STXBP4: variants seen among roughly 807,000 people sequenced by gnomAD.
STXBP4 encodes syntaxin binding protein 4.
In STXBP4, 55 loss-of-function variants were observed where a neutral mutation model predicts 76.1. The observed-to-expected ratio is 0.72, with a 90% CI of 0.58 to 0.91. The LOEUF is 0.91. Ranked by LOEUF, STXBP4 falls within the 40% of genes least tolerant of loss-of-function variation. The pLI is 0.00. For synonymous variants in STXBP4, 201 were observed against 220.2 expected, an observed-to-expected ratio of 0.91 and a Z score of 0.77; for missense variants, 618 against 636.9, an observed-to-expected ratio of 0.97 and a Z score of 0.32.
At chr17:55,088,759 T>C (rs1184328839) in intron 16 of STXBP4, among the ~76,000 whole-genome samples, 1 of 152,200 alleles carries the variant, frequency 6.6e-6, no homozygotes, top group African/African-American at 2.4e-5. Context: ...GAAAATCTTC[T>C]TCCCAGAAAT....
chr17:55,174,940 C>T (rs1326673756), downstream of STXBP4, among the ~76,000 whole-genome samples: 1 of 151,986 alleles, frequency 6.6e-6, no homozygotes, highest in Non-Finnish European at 1.5e-5. Context: ...AGGAGAACGG[C>T]GTGAACCTGG....
chr17:55,145,601 G>A (rs2080143517), intron 17 of STXBP4, among the ~76,000 whole-genome samples: 1 of 152,122 alleles, frequency 6.6e-6, no homozygotes, highest in Admixed American at 6.5e-5. Context: ...TTAATACTTT[G>A]TCATCTACTT....
At chr17:55,183,258 A>C in the STXBP4 span, among the ~76,000 whole-genome samples, 4 of 152,146 alleles carry the variant, frequency 2.6e-5, no homozygotes, top group Admixed American at 6.5e-5. Flanking sequence ...TAAAGTTAGT[A>C]AAAGTAAAAA....
chr17:55,107,774 C>G (rs943533084), intron 16 of STXBP4, among the ~76,000 whole-genome samples: 1 of 152,220 alleles, frequency 6.6e-6, no homozygotes, highest in African/African-American at 2.4e-5. Flanking sequence ...AGATTGCTGC[C>G]TGTTCCTTCC....
the STXBP4 span, among the ~76,000 whole-genome samples, chr17:55,207,360 C>T: frequency 6.6e-6 from 1 of 152,108 alleles, no homozygotes; most frequent in Non-Finnish European, 1.5e-5. Flanking sequence ...CAGTCTCAGT[C>T]CACCTCAGTG....
At chr17:55,088,611 G>A (rs998949555) in intron 16 of STXBP4, among the ~76,000 whole-genome samples, 1 of 152,084 alleles carries the variant, frequency 6.6e-6, no homozygotes, top group Non-Finnish European at 1.5e-5. Flanking sequence ...TGGTCAGGCT[G>A]GTCTCAAACT....
intron 7 of STXBP4, 100 bp from the exon 8 acceptor site, chr17:55,007,406 G>C: frequency 1.2e-6 from 1 of 824,832 alleles, no homozygotes; most frequent in South Asian, 1.5e-5. Context: ...TGATTAGCTA[G>C]AATTATTTTT....
chr17:55,167,580 C>T lies in STXBP4; in HGVS notation c.*7669C>T, dbSNP rs971436160. The T allele has an allele frequency of 2.0e-5, 3 of 152,122 alleles. No homozygotes were observed. The highest frequency in any genetic ancestry group is 4.4e-5 in the Non-Finnish European group (3 of 68,022). The allele number at this position is 152,122 out of a possible 1,614,324, so 9.4% of individuals were successfully genotyped here. ...CATACTCACACATTGTTGATTTGCC[C>T]AAGGTTCTGAAGAAATACCACAGAA... On this transcript the variant is annotated 3_prime_UTR_variant, in exon 18 of 18. Transcript: ENST00000376352.
rs144666585 is a variant in STXBP4, at chr17:55,116,787, A to T, written c.1490-24523A>T. Among the ~76,000 whole-genome samples, 546 of 151,976 alleles carry T rather than the reference A, an allele frequency of 3.6e-3. 3 individuals carry two copies. Among genetic ancestry groups the T allele is most frequent in the African/African-American group, 0.013 (529 of 41,538 alleles). On this transcript the variant is annotated intron_variant, in intron 16 of 17. Transcript: ENST00000376352. ...CTTTGGGCCTTTGTGCTCTCCTGTT[A>T]TAGCAGGGCTCTGTTATGTGACCTA...
chr17:55,123,848 C>T (rs2079874578), intron 16 of STXBP4, among the ~76,000 whole-genome samples: 1 of 151,348 alleles, frequency 6.6e-6, no homozygotes, highest in South Asian at 2.1e-4. Context: ...TGCAGTGAGC[C>T]GAGATTGCAC....
At chr17:55,023,124 A>C (rs964537629) in intron 8 of STXBP4, among the ~76,000 whole-genome samples, 1 of 152,240 alleles carries the variant, frequency 6.6e-6, no homozygotes, top group Non-Finnish European at 1.5e-5. Flanking sequence ...TAAAATTTGC[A>C]TACATGGCTA....
chr17:55,035,551 T>C (rs2078586007), intron 10 of STXBP4, among the ~76,000 whole-genome samples: 1 of 151,942 alleles, frequency 6.6e-6, no homozygotes, highest in Non-Finnish European at 1.5e-5. Context: ...TGAATTAAAA[T>C]GATTTGTTTT....
At chr17:55,157,885 G>A (rs1028651743) in intron 17 of STXBP4, among the ~76,000 whole-genome samples, 3 of 152,124 alleles carry the variant, frequency 2.0e-5, no homozygotes, top group African/African-American at 7.2e-5. Context: ...GTGTTCTATG[G>A]AACACTGGCC....
chr17:55,211,799 G>GTTTTTTTTTTTTTTTTTTTTT, the STXBP4 span, among the ~76,000 whole-genome samples: 5 of 49,004 alleles, frequency 1.0e-4, no homozygotes, highest in African/African-American at 1.8e-4. Context: ...GTTTTTTGTT[G>GTTTTTTTTTTTTTTTTTTTTT]TTTTTTTTTT....
At chr17:54,978,096 G>A (rs1016467559) in intron 1 of STXBP4, among the ~76,000 whole-genome samples, 5 of 152,090 alleles carry the variant, frequency 3.3e-5, no homozygotes, top group African/African-American at 4.8e-5. Flanking sequence ...AGAGGTGGAC[G>A]TATATTTTAA....
At position 55,171,198 on chromosome 17, in the gene STXBP4, G is replaced by C. The variant is rs1567791243; in HGVS notation, c.*11287G>C. On this transcript the variant is annotated 3_prime_UTR_variant, in exon 18 of 18. Transcript: ENST00000376352. ...AAAGTGTCCTTCTTTTGGATATAGT[G>C]CCTGGTGCAGAACTCTACCACAAAA... The C allele has an allele frequency of 6.6e-6, 1 of 152,182 alleles. No individual in the cohort carries two copies. Among genetic ancestry groups the C allele is most frequent in the Non-Finnish European group, 1.5e-5 (1 of 68,048 alleles). 9.4% of individuals were successfully genotyped at this position (152,182 alleles called of 1,614,324 possible). A position where few individuals can be genotyped will look rare whatever the true frequency, so the allele number is the denominator to read the frequency against.
intron 16 of STXBP4, among the ~76,000 whole-genome samples, chr17:55,109,981 T>C (rs2079693201): frequency 6.6e-6 from 1 of 152,208 alleles, no homozygotes; most frequent in Admixed American, 6.5e-5. Context: ...CTTATAGTTC[T>C]AGAAGTCAGA....
intron 8 of STXBP4, among the ~76,000 whole-genome samples, chr17:55,010,321 A>G (rs887483682): frequency 5.9e-5 from 9 of 151,996 alleles, no homozygotes; most frequent in Non-Finnish European, 1.3e-4. Context: ...TGGCATTGTC[A>G]TGAATTCTTT....
At chr17:55,063,166 A>G (rs1378113901) in intron 12 of STXBP4, among the ~76,000 whole-genome samples, 3 of 152,200 alleles carry the variant, frequency 2.0e-5, no homozygotes, top group Admixed American at 6.5e-5. Flanking sequence ...AACCATACCT[A>G]GTGATTCATT....
Sources: gnomAD v4.1 joint callset for allele counts (sites outside exome capture counted in the v4.1 genomes callset) on GRCh38, gnomAD v4.1.1 for gene constraint, MANE v1.5 for transcripts, NCBI Gene and HGNC (gene_info 2026-07-23, HGNC 2026-07-21) for gene names.